Variants in RBFOX1 observed in about 807,000 individuals in gnomAD.
RBFOX1 encodes the protein RNA binding fox-1 homolog 1.
In RBFOX1, 8 loss-of-function variants were observed where a neutral mutation model predicts 57.7. The ratio of observed to expected loss-of-function variants is 0.14; its 90% CI spans 0.08 to 0.25. RBFOX1 has a LOEUF of 0.25. Among genes scored for constraint, RBFOX1 ranks in the 10% least tolerant of loss-of-function variants. RBFOX1 has a pLI of 1.00. For synonymous variants in RBFOX1, 326 were observed against 222.4 expected, an observed-to-expected ratio of 1.47 and a Z score of -4.15; for missense variants, 611 against 548.5, an observed-to-expected ratio of 1.11 and a Z score of -1.14.
intron 3 of RBFOX1, among the ~76,000 whole-genome samples, chr16:6,921,199 G>T (rs554983179): frequency 9.2e-5 from 14 of 152,248 alleles, no homozygotes; most frequent in African/African-American, 3.1e-4. Flanking sequence ...TTTCTATTCT[G>T]TGTTACAAAT....
At chr16:6,754,675 TAGAG>T (rs1400352033) in intron 3 of RBFOX1, among the ~76,000 whole-genome samples, 7 of 152,220 alleles carry the variant, frequency 4.6e-5, no homozygotes, top group Admixed American at 6.5e-5. Context: ...AAGAGAGAAT[TAGAG>T]AGAGATGCAG....
At chr16:5,661,414 A>G (rs1487357530) in intron 3 of RBFOX1, among the ~76,000 whole-genome samples, 7 of 152,220 alleles carry the variant, frequency 4.6e-5, no homozygotes, top group Non-Finnish European at 8.8e-5. Context: ...TCCACTGTAG[A>G]AACCTTAGCC....
chr16:5,762,044 C>T (rs1291455499), intron 3 of RBFOX1, among the ~76,000 whole-genome samples: 2 of 152,074 alleles, frequency 1.3e-5, no homozygotes, highest in Non-Finnish European at 2.9e-5. Context: ...ATATCATCAT[C>T]TAGAAAAGGG....
At chr16:6,611,585 T>A (rs180984901) in intron 2 of RBFOX1, among the ~76,000 whole-genome samples, 1 of 152,318 alleles carries the variant, frequency 6.6e-6, no homozygotes, top group Non-Finnish European at 1.5e-5. Flanking sequence ...TGAGCATGGT[T>A]TTTCCTATCC....
intron 1 of RBFOX1, among the ~76,000 whole-genome samples, chr16:6,220,249 A>G (rs890473191): frequency 5.3e-5 from 8 of 151,998 alleles, no homozygotes; most frequent in African/African-American, 9.7e-5. Context: ...ATTTCTCCAT[A>G]CAAACAGACA....
intron 4 of RBFOX1, among the ~76,000 whole-genome samples, chr16:5,974,511 G>A (rs2060023716): frequency 6.6e-6 from 1 of 152,166 alleles, no homozygotes; most frequent in South Asian, 2.1e-4. Context: ...TCGGGAGGCT[G>A]AGGCAGGAGA....
At chr16:6,337,371 G>C (rs1358797480) in intron 2 of RBFOX1, among the ~76,000 whole-genome samples, 1 of 152,172 alleles carries the variant, frequency 6.6e-6, no homozygotes, top group Admixed American at 6.5e-5. Context: ...TTGAATCACC[G>C]CCATCAACCT....
At position 5,266,333 on chromosome 16, in the gene RBFOX1, C is replaced by T. The variant is rs563639945; in HGVS notation, c.219+26228C>T. ...CACAACTCCCCCCAAGTACAGGCAACCACCAGTGTCCCCAGATATTGCCTA... is the reference window on the plus strand; with the variant it reads ...CACAACTCCCCCCAAGTACAGGCAATCACCAGTGTCCCCAGATATTGCCTA... On this transcript the variant is annotated intron_variant, in intron 1 of 2. Coordinates refer to the RBFOX1 transcript ENST00000585867. Among the ~76,000 whole-genome samples, 9 of 152,224 alleles carry T rather than the reference C, an allele frequency of 5.9e-5. No homozygotes were observed. In the South Asian group the frequency reaches 1.7e-3, roughly 28 times the overall value.
At chr16:7,024,108 G>C (rs932201703) in intron 3 of RBFOX1, among the ~76,000 whole-genome samples, 2 of 152,150 alleles carry the variant, frequency 1.3e-5, no homozygotes, top group African/African-American at 4.8e-5. Flanking sequence ...GAATATACTT[G>C]TGATGCATTT....
At chr16:6,602,999 G>A (rs1346527651) in intron 2 of RBFOX1, among the ~76,000 whole-genome samples, 1 of 151,966 alleles carries the variant, frequency 6.6e-6, no homozygotes, top group African/African-American at 2.4e-5. Context: ...GTGCACCCAA[G>A]GAAAAAGAAG....
At chr16:6,327,061 T>A (rs1363027906) in intron 2 of RBFOX1, among the ~76,000 whole-genome samples, 1 of 152,172 alleles carries the variant, frequency 6.6e-6, no homozygotes. Flanking sequence ...GAGATTCACC[T>A]GCACCTGAAT....
intron 1 of RBFOX1, among the ~76,000 whole-genome samples, chr16:6,103,845 C>T (rs1042228723): frequency 2.6e-5 from 4 of 152,208 alleles, no homozygotes; most frequent in East Asian, 1.9e-4. Context: ...TTGGTGAGGT[C>T]CACCCGCCAC....
intron 3 of RBFOX1, among the ~76,000 whole-genome samples, chr16:7,028,204 C>G (rs2041554980): frequency 6.6e-6 from 1 of 152,042 alleles, no homozygotes; most frequent in Non-Finnish European, 1.5e-5. Flanking sequence ...TCTTCCATTT[C>G]CAAGATTCAT....
At chr16:6,751,369 A>C (rs1406867908) in intron 3 of RBFOX1, among the ~76,000 whole-genome samples, 1 of 152,162 alleles carries the variant, frequency 6.6e-6, no homozygotes, top group Non-Finnish European at 1.5e-5. Context: ...CTTAGAATGC[A>C]TGCTAGTAGA....
Position 6,894,778 on chromosome 16 carries a change from G to A in RBFOX1, c.-15-157279G>A, listed in dbSNP as rs528980059. 9.9e-5 allele frequency among the ~76,000 whole-genome samples: 15 copies of A among 152,168 alleles called. 1 individual carries two copies. The highest frequency in any genetic ancestry group is 3.4e-4 in the African/African-American group (14 of 41,510). On this transcript the variant is annotated intron_variant, in intron 3 of 15. Transcript: ENST00000550418. Reference sequence around the variant, plus strand: ...TCATTTTTTTCTATTATCTTAAAAAGCCATTTTCCCTGTGTTTGTAATTGT... The same window carrying A: ...TCATTTTTTTCTATTATCTTAAAAAACCATTTTCCCTGTGTTTGTAATTGT...
At chr16:6,708,959 G>C (rs2063267160) in intron 3 of RBFOX1, among the ~76,000 whole-genome samples, 1 of 151,026 alleles carries the variant, frequency 6.6e-6, no homozygotes, top group Non-Finnish European at 1.5e-5. Flanking sequence ...AGCGGTGGCT[G>C]GTTAATTTCA....
At chr16:6,739,631 C>G (rs965016911) in intron 3 of RBFOX1, among the ~76,000 whole-genome samples, 6 of 152,126 alleles carry the variant, frequency 3.9e-5, no homozygotes, top group Admixed American at 3.9e-4. Context: ...AATCCCAGCA[C>G]TTTGGGAGGC....
intron 3 of RBFOX1, among the ~76,000 whole-genome samples, chr16:6,929,729 T>C (rs1016252840): frequency 9.8e-5 from 15 of 152,320 alleles, no homozygotes; most frequent in African/African-American, 3.6e-4. Flanking sequence ...ACATTTATTA[T>C]TTATGAAATG....
intron 3 of RBFOX1, among the ~76,000 whole-genome samples, chr16:6,871,271 C>A (rs1324559083): frequency 6.6e-6 from 1 of 152,154 alleles, no homozygotes; most frequent in African/African-American, 2.4e-5. Flanking sequence ...CTCTAACCTC[C>A]CCCTCCTGGG....
Sources: gnomAD v4.1 joint callset for allele counts (sites outside exome capture counted in the v4.1 genomes callset) on GRCh38, gnomAD v4.1.1 for gene constraint, MANE v1.5 for transcripts, NCBI Gene and HGNC (gene_info 2026-07-23, HGNC 2026-07-21) for gene names.